The following TACC2 variants were observed in gnomAD, a reference collection of about 807,000 sequenced individuals.
TACC2 encodes the protein transforming acidic coiled-coil containing protein 2.
Under a neutral mutation model 227.3 loss-of-function variants are expected in TACC2, and 137 were observed. The observed-to-expected ratio is 0.60, with a 90% CI of 0.52 to 0.69. The LOEUF (loss-of-function observed/expected upper bound fraction) is 0.69, where lower values mean the gene tolerates loss of function less well. Among genes scored for constraint, TACC2 ranks in the 30% least tolerant of loss-of-function variants. The pLI, the probability that TACC2 is intolerant of heterozygous loss-of-function variation, is 0.00. For synonymous variants in TACC2, 1,523 were observed against 1,487.5 expected (o/e 1.02, Z -0.55); for missense variants, 3,470 against 3,694.4 (o/e 0.94, Z 1.57).
At chr10:122,164,855 T>C (rs907516184) in intron 7 of TACC2, among the ~76,000 whole-genome samples, 2 of 151,742 alleles carry the variant, frequency 1.3e-5, no homozygotes, top group Admixed American at 6.6e-5. Flanking sequence ...GACTTGGGGG[T>C]AGGGGTAGTA....
chr10:122,028,084 CTTT>C (rs59135261), intron 2 of TACC2, among the ~76,000 whole-genome samples: 2 of 91,744 alleles, frequency 2.2e-5, no homozygotes, highest in Admixed American at 1.4e-4. Flanking sequence ...TTCTTTCTTT[CTTT>C]TTTTTTTTTT....
chr10:122,187,500 T>C (rs1374625389), intron 7 of TACC2, among the ~76,000 whole-genome samples: 1 of 152,146 alleles, frequency 6.6e-6, no homozygotes, highest in Non-Finnish European at 1.5e-5. Flanking sequence ...TTCTTTCTTT[T>C]TTTTTTCTGA....
chr10:122,011,543 T>C (rs1294174016), intron 1 of TACC2, among the ~76,000 whole-genome samples: 1 of 152,172 alleles, frequency 6.6e-6, no homozygotes, highest in Non-Finnish European at 1.5e-5. Context: ...GTGACCAGGA[T>C]GCTCTTGATC....
chr10:122,155,931 G>A (rs1439315619), intron 7 of TACC2, among the ~76,000 whole-genome samples: 4 of 139,708 alleles, frequency 2.9e-5, no homozygotes, highest in Admixed American at 8.0e-5. Flanking sequence ...TCCGCCTCCC[G>A]GGCTCACACC....
Position 122,068,601 on chromosome 10 carries a change from C to G in TACC2, c.147-14046C>G, listed in dbSNP as rs529184160. On this transcript the variant is annotated intron_variant, in intron 3 of 22. Transcript: ENST00000369005. ...GATGCCTTATGAGTGATGAGGTACT[C>G]CACTCTGGCCGGTGGGAACAGGAAT... Among the ~76,000 whole-genome samples the G allele has an allele frequency of 2.0e-5, 3 of 152,096 alleles. No individual in the cohort carries two copies. The East Asian group carries it at 5.8e-4, about 30-fold the overall frequency.
chr10:122,078,604 G>T (rs539415823), intron 3 of TACC2, among the ~76,000 whole-genome samples: 24 of 152,308 alleles, frequency 1.6e-4, no homozygotes, highest in Admixed American at 1.4e-3. Context: ...CTTCCATTCG[G>T]GGTGCTGGCC....
chr10:122,113,968 C>A (rs1477376730), intron 5 of TACC2, among the ~76,000 whole-genome samples: 1 of 152,258 alleles, frequency 6.6e-6, no homozygotes, highest in Non-Finnish European at 1.5e-5. Context: ...GTGTCCTCTT[C>A]AATCCTGGTC....
At chr10:122,027,848 A>G (rs538806600) in intron 2 of TACC2, among the ~76,000 whole-genome samples, 145 of 150,778 alleles carry the variant, frequency 9.6e-4, no homozygotes, top group African/African-American at 3.4e-3. Context: ...GGTTCACGCC[A>G]TTCTCCTGCC....
chr10:122,174,348 A>G (rs2093611834), intron 7 of TACC2, among the ~76,000 whole-genome samples: 1 of 152,204 alleles, frequency 6.6e-6, no homozygotes, highest in Non-Finnish European at 1.5e-5. Context: ...GCTAGTGGGC[A>G]ATGGCACTGG....
At chr10:122,193,281 A>G (rs2094469093) in intron 7 of TACC2, among the ~76,000 whole-genome samples, 1 of 152,196 alleles carries the variant, frequency 6.6e-6, no homozygotes, top group Non-Finnish European at 1.5e-5. Flanking sequence ...TGATGAAGTA[A>G]GTCACTGACA....
intron 7 of TACC2, among the ~76,000 whole-genome samples, chr10:122,177,686 C>T (rs868583281): frequency 6.6e-6 from 1 of 152,122 alleles, no homozygotes; most frequent in South Asian, 2.1e-4. Flanking sequence ...GCCTCTGGGG[C>T]CATGATCTGT....
intron 8 of TACC2, among the ~76,000 whole-genome samples, chr10:122,203,651 A>G (rs2094974265): frequency 6.6e-6 from 1 of 151,228 alleles, no homozygotes; most frequent in Non-Finnish European, 1.5e-5. Context: ...GCGGCCGGGA[A>G]GAGACGCTCC....
At chr10:122,018,840 C>G (rs192882716) in intron 1 of TACC2, among the ~76,000 whole-genome samples, 40 of 152,324 alleles carry the variant, frequency 2.6e-4, no homozygotes, top group Middle Eastern at 3.4e-3. Context: ...GCACTGAGCT[C>G]CCCCTCCTCA....
chr10:122,220,053 A>AAAAAAG (rs1201215550), intron 11 of TACC2, among the ~76,000 whole-genome samples: 6 of 151,650 alleles, frequency 4.0e-5, no homozygotes, highest in African/African-American at 1.2e-4. Flanking sequence ...AAAAAAAAAG[A>AAAAAAG]AAAAAGAAAG....
At position 122,045,334 on chromosome 10, in the gene TACC2, G is replaced by A. The variant is rs61694728; in HGVS notation, c.34-5104G>A. Among the ~76,000 whole-genome samples, 308 of 152,314 alleles carry A rather than the reference G, an allele frequency of 2.0e-3. 3 individuals carry two copies. The highest frequency in any genetic ancestry group is 7.0e-3 in the African/African-American group (293 of 41,566). On this transcript the variant is annotated intron_variant, in intron 2 of 22. Transcript: ENST00000369005. ...AGAGCAACGAATTCCACTGTATGGCGAAGCAGCGTAAGGCAGGGACAAGAG... is the reference window on the plus strand; with the variant it reads ...AGAGCAACGAATTCCACTGTATGGCAAAGCAGCGTAAGGCAGGGACAAGAG...
At chr10:122,231,074 C>T (rs1355293441) in intron 16 of TACC2, among the ~76,000 whole-genome samples, 1 of 151,980 alleles carries the variant, frequency 6.6e-6, no homozygotes, top group African/African-American at 2.4e-5. Context: ...TGTTTTTTTA[C>T]AAAAAACGGC....
intron 3 of TACC2, among the ~76,000 whole-genome samples, chr10:122,066,174 C>A (rs1157297210): frequency 6.6e-6 from 1 of 151,452 alleles, no homozygotes; most frequent in Non-Finnish European, 1.5e-5. Context: ...ATGGTGTGAT[C>A]TTGGCTCACT....
intron 7 of TACC2, among the ~76,000 whole-genome samples, chr10:122,191,407 C>A (rs2094405428): frequency 6.6e-6 from 1 of 152,120 alleles, no homozygotes; most frequent in African/African-American, 2.4e-5. Context: ...TAAAGTGTTA[C>A]AAGCCAGGGG....
chr10:122,126,033 T>C (rs904581824), intron 5 of TACC2, among the ~76,000 whole-genome samples: 1 of 151,924 alleles, frequency 6.6e-6, no homozygotes, highest in Admixed American at 6.6e-5. Flanking sequence ...CACCTCAGCC[T>C]CCCAAAGTAC....
Sources: allele counts gnomAD v4.1 joint callset (sites outside exome capture counted in the v4.1 genomes callset), GRCh38; gene constraint gnomAD v4.1.1; transcripts MANE v1.5; gene names NCBI Gene and HGNC (gene_info 2026-07-23, HGNC 2026-07-21).